Variants in PCDHA12 observed in about 807,000 individuals in gnomAD.
The protein encoded by PCDHA12 is protocadherin alpha 12.
Under a neutral mutation model 60.0 loss-of-function variants are expected in PCDHA12, and 44 were observed. The observed-to-expected ratio is 0.73, with a 90% confidence interval of 0.58 to 0.94. The LOEUF is 0.94. Among genes scored for constraint, PCDHA12 ranks in the 40% least tolerant of loss-of-function variants. PCDHA12 has a pLI of 0.00. For synonymous variants in PCDHA12, 569 were observed against 553.0 expected (o/e 1.03, Z -0.40); for missense variants, 1,276 against 1,239.7 (o/e 1.03, Z -0.44).
chr5:140,926,948 CG>C, intron 1 of PCDHA12: 2 of 1,589,778 alleles, frequency 1.3e-6, no homozygotes, highest in African/African-American at 1.3e-5. Context: ...GGCGCTGCAG[CG>C]GGACAGCTCG....
chr5:140,987,011 C>T (rs1266225593), intron 3 of PCDHA12, among the ~76,000 whole-genome samples: 2 of 152,104 alleles, frequency 1.3e-5, no homozygotes, highest in African/African-American at 4.8e-5. Context: ...GTCATGAGTT[C>T]GAGACCAGCC....
At chr5:140,918,027 G>C (rs782291548) in intron 1 of PCDHA12, among the ~76,000 whole-genome samples, 2 of 152,108 alleles carry the variant, frequency 1.3e-5, no homozygotes, top group East Asian at 3.8e-4. Context: ...ACCCATGAGC[G>C]TGGAAGGTCT....
chr5:140,968,727 G>A, intron 1 of PCDHA12: 1 of 1,614,162 alleles, frequency 6.2e-7, no homozygotes, highest in Admixed American at 1.7e-5. Context: ...GAGAGTGGTA[G>A]CACTTTCAAC....
intron 3 of PCDHA12, among the ~76,000 whole-genome samples, chr5:140,987,811 C>CT (rs1444999429): frequency 6.6e-6 from 1 of 152,100 alleles, no homozygotes; most frequent in East Asian, 1.9e-4. Flanking sequence ...GTGCCTGTCT[C>CT]TTTGTTTCCT....
At chr5:140,902,560 G>A (rs558432897) in intron 1 of PCDHA12, among the ~76,000 whole-genome samples, 1 of 151,954 alleles carries the variant, frequency 6.6e-6, no homozygotes, top group African/African-American at 2.4e-5. Flanking sequence ...CCAGATTTTT[G>A]AGGGTTTTTA....
intron 3 of PCDHA12, among the ~76,000 whole-genome samples, chr5:141,007,031 T>C (rs1554261019): frequency 6.6e-6 from 1 of 152,144 alleles, no homozygotes; most frequent in African/African-American, 2.4e-5. Flanking sequence ...ATGGTATTTA[T>C]ATCTATGGAT....
intron 1 of PCDHA12, chr5:140,882,667 C>T (rs576133039): frequency 1.2e-6 from 2 of 1,614,160 alleles, no homozygotes; most frequent in Non-Finnish European, 1.7e-6. Flanking sequence ...CGCCCATATT[C>T]CCTGAAAGCA....
chr5:140,889,561 C>A (rs1170749193), intron 1 of PCDHA12, among the ~76,000 whole-genome samples: 1 of 151,898 alleles, frequency 6.6e-6, no homozygotes, highest in African/African-American at 2.4e-5. Flanking sequence ...CTTCAGAATT[C>A]TGCTTTCTGA....
In PCDHA12 at chr5:140,980,214, C is replaced by T. The variant is rs2096880494; in HGVS notation, c.2426+1207C>T. 2.0e-5 allele frequency among the ~76,000 whole-genome samples: 3 copies of T among 152,212 alleles called. No homozygotes were observed. The South Asian group carries it at 6.2e-4, about 31-fold the overall frequency. The stretch of plus-strand genomic sequence containing the variant: ...ATTAGAGACCAACTTGTGCTTTTGC[C>T]TGCATCTGAGCTGTTGGTGGAGACA... On this transcript the variant is annotated intron_variant, in intron 2 of 3. Transcript: ENST00000398631.
intron 1 of PCDHA12, chr5:140,967,572 A>G: frequency 6.2e-7 from 1 of 1,613,544 alleles, no homozygotes; most frequent in Non-Finnish European, 8.5e-7. Flanking sequence ...CTACGGGAGG[A>G]CTCACCCCCA....
At chr5:140,993,460 T>TCCCACA (rs1554253699) in intron 3 of PCDHA12, among the ~76,000 whole-genome samples, 8 of 104,506 alleles carry the variant, frequency 7.7e-5, no homozygotes, top group African/African-American at 3.1e-4. Context: ...CTTCTTTCTT[T>TCCCACA]CTCACACACA....
chr5:140,936,270 T>G (rs1367001317), intron 1 of PCDHA12, among the ~76,000 whole-genome samples: 2 of 152,226 alleles, frequency 1.3e-5, no homozygotes, highest in Non-Finnish European at 2.9e-5. Context: ...GAAGATATAT[T>G]CCTGTGTTTT....
At position 140,967,914 on chromosome 5, in the gene PCDHA12, T is replaced by C. The variant is rs1376293284; in HGVS notation, c.2368-11035T>C. On this transcript the variant is annotated intron_variant, in intron 1 of 3. Coordinates refer to ENST00000398631, the MANE Select transcript of PCDHA12 (RefSeq NM_018903.4). ...CCTGAGAATGCTACACCCAACACCA[T>C]TGTGGCCGTTCTCAGTGTCAATGAC... 1.2e-5 allele frequency: 20 copies of C among 1,614,060 alleles called. No individual in the cohort carries two copies. The highest frequency in any genetic ancestry group is 3.3e-5 in the South Asian group (3 of 91,086).
chr5:140,924,714 G>C (rs2081964744), intron 1 of PCDHA12, among the ~76,000 whole-genome samples: 1 of 151,860 alleles, frequency 6.6e-6, no homozygotes, highest in African/African-American at 2.4e-5. Context: ...GTGCAACATG[G>C]CGAAACCTCA....
rs782570873 is a variant in PCDHA12 at position 140,877,041 on chromosome 5, A to C, written c.1569A>C (p.Leu523=). The change falls in exon 1 of 4, where the codon CTA becomes CTC. Residue 523 remains leucine (L), a synonymous_variant. Transcript: ENST00000398631. The stretch of plus-strand genomic sequence containing the variant: ...GCAAGGTGTACGCGCTGCAGCCGCT[A>C]GACCACGAGGAGCTGGAGCTGCTGC... ...ESGKVYALQP[L]DHEELELLQF... 6.2e-7 allele frequency: 1 copy of C among 1,612,586 alleles called. No homozygotes were observed. Among genetic ancestry groups the C allele is most frequent in the Non-Finnish European group, 8.5e-7 (1 of 1,179,804 alleles).
chr5:141,006,979 G>T (rs1236461454), intron 3 of PCDHA12, among the ~76,000 whole-genome samples: 1 of 152,156 alleles, frequency 6.6e-6, no homozygotes, highest in Non-Finnish European at 1.5e-5. Context: ...ACAGAGAGAT[G>T]TGGGCTTAAA....
At chr5:141,009,463 A>C in intron 3 of PCDHA12, 164 bp from the exon 4 acceptor site, 1 of 954,884 alleles carries the variant, frequency 1.0e-6, no homozygotes, top group Non-Finnish European at 1.2e-6. Context: ...AAACAAATAA[A>C]TAAATAAGTA....
At chr5:140,903,351 A>G (rs2070226814) in intron 1 of PCDHA12, among the ~76,000 whole-genome samples, 1 of 152,236 alleles carries the variant, frequency 6.6e-6, no homozygotes, top group Non-Finnish European at 1.5e-5. Context: ...TTTAAAAAAC[A>G]AGTTTTTCAA....
chr5:140,876,657 C>T lies in PCDHA12; in HGVS notation c.1185C>T (p.Phe395=), dbSNP rs782518264. ...GCTCACTGACACCTCATGTTCCCTT[C>T]AAGCTGGTGTCCACCTACAAGAATT... is the stretch of plus-strand genomic sequence containing the variant. ...VICSLTPHVP[F]KLVSTYKNYY... Residue 395 remains phenylalanine (F), a synonymous_variant, in exon 1 of 4, where the codon TTC becomes TTT. Coordinates refer to ENST00000398631, the MANE Select transcript of PCDHA12 (RefSeq NM_018903.4). 1.9e-6 allele frequency: 3 copies of T among 1,614,228 alleles called. No homozygotes were observed. The highest frequency in any genetic ancestry group is 4.5e-5 in the East Asian group (2 of 44,878).
Sources: allele counts gnomAD v4.1 joint callset (sites outside exome capture counted in the v4.1 genomes callset), GRCh38; gene constraint gnomAD v4.1.1; transcripts MANE v1.5; gene names NCBI Gene and HGNC (gene_info 2026-07-23, HGNC 2026-07-21).